Variants in CELF4 observed in about 807,000 individuals in gnomAD.
CELF4 encodes CUGBP Elav-like family member 4.
CELF4 carries 18 observed loss-of-function variants against 59.9 expected under a neutral mutation model. The ratio of observed to expected loss-of-function variants is 0.30; its 90% CI spans 0.21 to 0.45. The LOEUF (loss-of-function observed/expected upper bound fraction) is 0.45. Among genes scored for constraint, CELF4 ranks in the 20% least tolerant of loss-of-function variants. The probability of loss-of-function intolerance (pLI) is 1.00; values close to 1 mark genes in which losing one functional copy is unlikely to be tolerated. For synonymous variants in CELF4, 261 were observed against 267.1 expected (o/e 0.98, Z 0.22); for missense variants, 456 against 689.0 (o/e 0.66, Z 3.79).
intron 2 of CELF4, among the ~76,000 whole-genome samples, chr18:37,411,776 G>C (rs200173705): frequency 6.6e-6 from 1 of 152,174 alleles, no homozygotes; most frequent in Non-Finnish European, 1.5e-5. Flanking sequence ...GAGATGAGGC[G>C]GGCTGCATGG....
intron 2 of CELF4, among the ~76,000 whole-genome samples, chr18:37,391,094 C>A (rs1220763710): frequency 6.6e-6 from 1 of 152,058 alleles, no homozygotes; most frequent in African/African-American, 2.4e-5. Flanking sequence ...AGACAGGAGA[C>A]GTAGGGAGGA....
chr18:37,513,976 G>A (rs2099947647), intron 1 of CELF4, among the ~76,000 whole-genome samples: 1 of 130,670 alleles, frequency 7.7e-6, no homozygotes, highest in South Asian at 2.5e-4. Context: ...GTGTGTGTGT[G>A]TGTGTGTATA....
chr18:37,281,999 G>A lies in CELF4; in HGVS notation c.449-6756C>T, dbSNP rs563650907. Among the ~76,000 whole-genome samples, 361 of 152,320 alleles carry A rather than the reference G, an allele frequency of 2.4e-3. 1 individual carries two copies. Among genetic ancestry groups the A allele is most frequent in the African/African-American group, 8.4e-3 (351 of 41,570 alleles). ...CAATGGTGTCCTCCAGATACTAACT[G>A]AGGCTGTTTGTCAAATCCTAGTTCC... On this transcript the variant is annotated intron_variant, in intron 3 of 12. Coordinates refer to ENST00000420428, the MANE Select transcript of CELF4 (RefSeq NM_020180.4).
chr18:37,520,415 C>T lies in CELF4; in HGVS notation c.287-34808G>A, dbSNP rs372298649. Among the ~76,000 whole-genome samples, 3 of 152,200 alleles carry T rather than the reference C, an allele frequency of 2.0e-5. No individual in the cohort carries two copies. The East Asian group carries it at 5.8e-4, about 29-fold the overall frequency. ...ATGTAGAAATGAAGGCCCAGAGAGG[C>T]ACTGTTTGACCAAGCTTTGCACTAT... On this transcript the variant is annotated intron_variant, in intron 1 of 12. Transcript: ENST00000420428.
In CELF4 at chr18:37,338,862, G is replaced by A. The variant is rs1343352640; in HGVS notation, c.370-16981C>T. On this transcript the variant is annotated intron_variant, in intron 2 of 12. Transcript: ENST00000420428. ...CAAGCCACATGGGCAACCATGCCCA[G>A]CGCTGTGCCCCAGGGCCAGCTTGAC... is the stretch of plus-strand genomic sequence containing the variant. Among the ~76,000 whole-genome samples the A allele has an allele frequency of 2.0e-5, 3 of 151,908 alleles. No homozygotes were observed. The East Asian group carries it at 5.8e-4, about 29-fold the overall frequency.
At chr18:37,529,404 C>T (rs2099967143) in intron 1 of CELF4, among the ~76,000 whole-genome samples, 1 of 152,158 alleles carries the variant, frequency 6.6e-6, no homozygotes, top group South Asian at 2.1e-4. Context: ...TCTCTGACCT[C>T]AAGGAGCTCA....
chr18:37,356,157 C>T (rs1225792248), intron 2 of CELF4, among the ~76,000 whole-genome samples: 3 of 152,150 alleles, frequency 2.0e-5, no homozygotes, highest in Non-Finnish European at 4.4e-5. Flanking sequence ...TATTAGGAAC[C>T]ACTGACCAAT....
intron 2 of CELF4, among the ~76,000 whole-genome samples, chr18:37,438,255 G>A (rs1208541299): frequency 2.0e-5 from 3 of 152,214 alleles, no homozygotes; most frequent in African/African-American, 7.2e-5. Flanking sequence ...GACTGTCAGT[G>A]AAGAGTGGGT....
chr18:37,496,910 C>T (rs1275679705), intron 1 of CELF4, among the ~76,000 whole-genome samples: 1 of 152,160 alleles, frequency 6.6e-6, no homozygotes. Context: ...CCCTCAAATC[C>T]AGAGGGGCCC....
At chr18:37,281,749 C>T (rs758748882) in intron 3 of CELF4, among the ~76,000 whole-genome samples, 1 of 152,216 alleles carries the variant, frequency 6.6e-6, no homozygotes, top group Non-Finnish European at 1.5e-5. Context: ...CCCCATGAAT[C>T]TGCTCCTCAG....
At chr18:37,505,999 G>A (rs2099937466) in intron 1 of CELF4, among the ~76,000 whole-genome samples, 1 of 152,064 alleles carries the variant, frequency 6.6e-6, no homozygotes, top group African/African-American at 2.4e-5. Context: ...CCCCTCCCAG[G>A]CCCAGGGAGA....
intron 3 of CELF4, among the ~76,000 whole-genome samples, chr18:37,314,412 A>G (rs2096787291): frequency 6.6e-6 from 1 of 152,122 alleles, no homozygotes; most frequent in African/African-American, 2.4e-5. Flanking sequence ...CCTAGATAGC[A>G]CCACTGCGCT....
intron 1 of CELF4, among the ~76,000 whole-genome samples, chr18:37,550,549 T>C (rs2099982871): frequency 6.6e-6 from 1 of 152,170 alleles, no homozygotes; most frequent in Non-Finnish European, 1.5e-5. Flanking sequence ...AGATATGACG[T>C]TGGTTTAAGT....
At chr18:37,562,377 C>CTT (rs5824077) in intron 1 of CELF4, among the ~76,000 whole-genome samples, 6,300 of 145,626 alleles carry the variant, frequency 0.043, 279 homozygotes, top group African/African-American at 0.11. Flanking sequence ...TTTCCTTTTC[C>CTT]TTTTTTTTTT....
intron 2 of CELF4, among the ~76,000 whole-genome samples, chr18:37,330,936 C>A (rs1393100154): frequency 6.6e-6 from 1 of 152,208 alleles, no homozygotes; most frequent in Non-Finnish European, 1.5e-5. Flanking sequence ...TGAGCACCGA[C>A]CAGACAGAAG....
At chr18:37,352,000 G>T (rs886952964) in intron 2 of CELF4, among the ~76,000 whole-genome samples, 1 of 152,210 alleles carries the variant, frequency 6.6e-6, no homozygotes, top group Non-Finnish European at 1.5e-5. Context: ...AGCAGATGAA[G>T]TTAGCATAGT....
At chr18:37,369,806 T>C (rs976007158) in intron 2 of CELF4, among the ~76,000 whole-genome samples, 8 of 152,222 alleles carry the variant, frequency 5.3e-5, no homozygotes, top group Non-Finnish European at 7.3e-5. Context: ...CATACGCTCA[T>C]CTCTGTGTTC....
chr18:37,479,975 C>G (rs181690025), intron 2 of CELF4, among the ~76,000 whole-genome samples: 1 of 152,342 alleles, frequency 6.6e-6, no homozygotes, highest in East Asian at 1.9e-4. Context: ...TGAGGAATGT[C>G]TGAGGCTCCC....
chr18:37,351,300 C>T (rs1272327453), intron 2 of CELF4, among the ~76,000 whole-genome samples: 3 of 152,154 alleles, frequency 2.0e-5, no homozygotes, highest in Non-Finnish European at 4.4e-5. Context: ...ACAGCTGAAT[C>T]GCTGCTAATG....
Sources: allele counts gnomAD v4.1 joint callset (sites outside exome capture counted in the v4.1 genomes callset), GRCh38; gene constraint gnomAD v4.1.1; transcripts MANE v1.5; gene names NCBI Gene and HGNC (gene_info 2026-07-23, HGNC 2026-07-21).